SPECC1: variants seen among roughly 807,000 people sequenced by gnomAD.
The protein encoded by SPECC1 is sperm antigen with calponin homology and coiled-coil domains 1, also known as cytospin-B.
SPECC1 carries 62 observed loss-of-function variants against 104.1 expected under a neutral mutation model. The ratio of observed to expected loss-of-function variants is 0.60; its 90% CI spans 0.49 to 0.74. The LOEUF is 0.74. Ranked by LOEUF, SPECC1 falls within the 30% of genes least tolerant of loss-of-function variation. The probability of loss-of-function intolerance (pLI) is 0.00; values close to 1 mark genes in which losing one functional copy is unlikely to be tolerated. For synonymous variants in SPECC1, 513 were observed against 501.6 expected (o/e 1.02, Z -0.30); for missense variants, 1,306 against 1,310.5 (o/e 1.00, Z 0.05).
At chr17:20,065,402 T>C (rs2046324808) in intron 1 of SPECC1, among the ~76,000 whole-genome samples, 1 of 150,268 alleles carries the variant, frequency 6.7e-6, no homozygotes, top group African/African-American at 2.5e-5. Flanking sequence ...CTCCTCTGGG[T>C]TCAACTAATT....
chr17:20,157,146 T>G (rs938753166), intron 3 of SPECC1, among the ~76,000 whole-genome samples: 1 of 152,208 alleles, frequency 6.6e-6, no homozygotes, highest in Non-Finnish European at 1.5e-5. Flanking sequence ...CTGGGTGCCG[T>G]GCTGTAGGAC....
intron 12 of SPECC1, among the ~76,000 whole-genome samples, chr17:20,268,959 A>C (rs1373739016): frequency 6.6e-6 from 1 of 152,216 alleles, no homozygotes; most frequent in Non-Finnish European, 1.5e-5. Flanking sequence ...AAGTGTGTAG[A>C]GACCTGTCAG....
intron 12 of SPECC1, among the ~76,000 whole-genome samples, chr17:20,284,387 G>T (rs2040873951): frequency 6.6e-6 from 1 of 152,232 alleles, no homozygotes; most frequent in Non-Finnish European, 1.5e-5. Flanking sequence ...CTATGTGCAG[G>T]TCTCCACAAG....
chr17:20,210,933 T>G (rs931668077), intron 4 of SPECC1, among the ~76,000 whole-genome samples: 8 of 152,142 alleles, frequency 5.3e-5, no homozygotes, highest in African/African-American at 1.9e-4. Flanking sequence ...CCCCACCCCA[T>G]TGACCATTAC....
At chr17:20,221,320 T>G (rs2037859966) in intron 4 of SPECC1, among the ~76,000 whole-genome samples, 1 of 152,224 alleles carries the variant, frequency 6.6e-6, no homozygotes, top group Admixed American at 6.5e-5. Context: ...GACTTTTTAT[T>G]CTGGCTTTTA....
intron 12 of SPECC1, among the ~76,000 whole-genome samples, chr17:20,274,581 A>G (rs2040515620): frequency 6.7e-6 from 1 of 149,150 alleles, no homozygotes; most frequent in Non-Finnish European, 1.5e-5. Flanking sequence ...CCCAGGTTCA[A>G]GTGATTCTCC....
chr17:20,156,441 C>T (rs2032538794), intron 3 of SPECC1, among the ~76,000 whole-genome samples: 1 of 152,192 alleles, frequency 6.6e-6, no homozygotes, highest in African/African-American at 2.4e-5. Context: ...GCTGCTCGTC[C>T]TGAACGCGCA....
At chr17:20,051,533 G>A (rs575322214) in intron 1 of SPECC1, among the ~76,000 whole-genome samples, 4 of 152,092 alleles carry the variant, frequency 2.6e-5, no homozygotes, top group Admixed American at 6.6e-5. Context: ...TTTGTTATAT[G>A]CTTTCTTTTA....
chr17:20,121,680 A>G (rs2049040215), intron 3 of SPECC1, among the ~76,000 whole-genome samples: 1 of 152,126 alleles, frequency 6.6e-6, no homozygotes, highest in African/African-American at 2.4e-5. Flanking sequence ...CTTTGTGTGT[A>G]TCTCATGTTA....
At chr17:20,242,369 A>G (rs1335367076) in intron 7 of SPECC1, among the ~76,000 whole-genome samples, 2 of 152,228 alleles carry the variant, frequency 1.3e-5, no homozygotes, top group Non-Finnish European at 2.9e-5. Flanking sequence ...GAGGCATGGA[A>G]GGCAGACCGA....
At chr17:20,296,869 G>C in intron 12 of SPECC1, 92 bp from the exon 13 acceptor site, 3 of 1,199,106 alleles carry the variant, frequency 2.5e-6, no homozygotes. Flanking sequence ...CATTGATTTT[G>C]TGTAGATTCC....
intron 3 of SPECC1, among the ~76,000 whole-genome samples, chr17:20,150,149 A>AT (rs564786030): frequency 3.6e-4 from 51 of 142,456 alleles, no homozygotes; most frequent in South Asian, 6.8e-4. Flanking sequence ...ATTTTTTTGT[A>AT]TTTTTTTTTT....
intron 12 of SPECC1, among the ~76,000 whole-genome samples, chr17:20,260,662 T>G (rs1209178476): frequency 6.6e-6 from 1 of 152,164 alleles, no homozygotes; most frequent in East Asian, 1.9e-4. Context: ...CAACAAGGCT[T>G]TATTGGAGCT....
intron 7 of SPECC1, among the ~76,000 whole-genome samples, chr17:20,233,665 G>A (rs2038736750): frequency 6.6e-6 from 1 of 152,150 alleles, no homozygotes; most frequent in South Asian, 2.1e-4. Flanking sequence ...CGCCAGACAA[G>A]GTCATTACTT....
intron 12 of SPECC1, among the ~76,000 whole-genome samples, chr17:20,260,563 G>T (rs1478667074): frequency 6.6e-6 from 1 of 152,232 alleles, no homozygotes; most frequent in African/African-American, 2.4e-5. Flanking sequence ...GAGGGAAGGG[G>T]ACCTTTTTCT....
chr17:20,062,433 G>A (rs2046220205), intron 1 of SPECC1, among the ~76,000 whole-genome samples: 1 of 151,980 alleles, frequency 6.6e-6, no homozygotes, highest in Admixed American at 6.6e-5. Context: ...TGTGATCACG[G>A]CTCACCACAG....
intron 4 of SPECC1, among the ~76,000 whole-genome samples, chr17:20,227,130 A>C (rs1367868569): frequency 6.6e-6 from 1 of 152,182 alleles, no homozygotes; most frequent in Non-Finnish European, 1.5e-5. Context: ...GCCATTTGGA[A>C]GCATACATCG....
intron 12 of SPECC1, among the ~76,000 whole-genome samples, chr17:20,262,289 CAT>C (rs2040056712): frequency 6.6e-6 from 1 of 152,192 alleles, no homozygotes; most frequent in African/African-American, 2.4e-5. Context: ...TCCTGAAAAA[CAT>C]ATGTGCTCAT....
chr17:20,276,901 C>T (rs1598126592), intron 12 of SPECC1, among the ~76,000 whole-genome samples: 2 of 152,186 alleles, frequency 1.3e-5, no homozygotes, highest in East Asian at 3.9e-4. Flanking sequence ...GCCAGGGCTG[C>T]TTTCTGGGGT....
Sources: gnomAD v4.1 joint callset for allele counts (sites outside exome capture counted in the v4.1 genomes callset) on GRCh38, gnomAD v4.1.1 for gene constraint, MANE v1.5 for transcripts, NCBI Gene and HGNC (gene_info 2026-07-23, HGNC 2026-07-21) for gene names.